CD69: variants seen among roughly 807,000 people sequenced by gnomAD.
The protein encoded by CD69 is CD69 molecule, also known as early activation antigen CD69.
CD69 carries 10 observed loss-of-function variants against 21.4 expected under a neutral mutation model. The observed-to-expected ratio is 0.47, with a 90% CI of 0.29 to 0.79. CD69 has a LOEUF of 0.79. Ranked by LOEUF, CD69 falls within the 30% of genes least tolerant of loss-of-function variation. The pLI, the probability that CD69 is intolerant of heterozygous loss-of-function variation, is 0.09. For missense variants in CD69, 204 were observed against 236.9 expected (o/e 0.86, Z 0.91); for synonymous variants, 63 against 78.2 (o/e 0.81, Z 1.03).
intron 1 of CD69, among the ~76,000 whole-genome samples, chr12:9,759,841 C>T (rs117501745): frequency 3.7e-3 from 558 of 152,086 alleles, no homozygotes; most frequent in South Asian, 6.5e-3. Flanking sequence ...TAGAAAAACT[C>T]AACAAATTTT....
chr12:9,757,037 A>G (rs1326811121), intron 1 of CD69, among the ~76,000 whole-genome samples: 1 of 152,144 alleles, frequency 6.6e-6, no homozygotes, highest in African/African-American at 2.4e-5. Flanking sequence ...CGGAGATTGC[A>G]CCACTGCACT....
intron 1 of CD69, among the ~76,000 whole-genome samples, chr12:9,760,538 G>A (rs3176787): frequency 0.47 from 71,426 of 151,900 alleles, 17,037 homozygotes; most frequent in African/African-American, 0.53. Context: ...ATAAAAAGGG[G>A]TTTACCTCTT....
chr12:9,754,547 T>C (rs1225178716), intron 4 of CD69, 40 bp downstream of exon 4: 1 of 1,125,660 alleles, frequency 8.9e-7, no homozygotes, highest in East Asian at 2.3e-5. Flanking sequence ...TTTCCTGAGA[T>C]GCCACCCTGG....
intron 2 of CD69, 36 bp from the exon 3 acceptor site, chr12:9,755,297 A>G (rs767770151): frequency 1.0e-5 from 16 of 1,557,682 alleles, no homozygotes; most frequent in Middle Eastern, 1.7e-4. Context: ...TAGTAACAAA[A>G]GAAACCAAAT....
chr12:9,755,385 G>GCTAAAAAT, intron 2 of CD69, 124 bp from the exon 3 acceptor site: 1 of 745,968 alleles, frequency 1.3e-6, no homozygotes, highest in Non-Finnish European at 2.3e-6. Context: ...AAGCTAAAAA[G>GCTAAAAAT]TAGAATTCTG....
Position 9,760,614 on chromosome 12 carries a change from TATCAC to T in CD69, c.64+138_64+142del, listed in dbSNP as rs1261530669. 5 of 544,434 alleles carry T rather than the reference TATCAC, an allele frequency of 9.2e-6. No individual in the cohort carries two copies. The East Asian group carries it at 1.6e-4, about 17-fold the overall frequency. The allele number at this position is 544,434 out of a possible 1,614,324, so 33.7% of individuals were successfully genotyped here. On this transcript the variant is annotated intron_variant, in intron 1 of 4. Transcript: ENST00000228434. ...ACTTCCTTCCCTAACAACCATTAGATATCACATACATAGAGATTAGCAGTATATTT... is the reference window on the plus strand; with the variant it reads ...ACTTCCTTCCCTAACAACCATTAGATATACATAGAGATTAGCAGTATATTT...
intron 2 of CD69, among the ~76,000 whole-genome samples, chr12:9,755,789 C>T (rs766501): frequency 0.95 from 145,073 of 152,270 alleles, 69,531 homozygotes; most frequent in East Asian, 1. Context: ...TATCTTGGTA[C>T]AGCTGGAGGT....
chr12:9,756,563 T>C (rs1176981118), intron 1 of CD69, 144 bp from the exon 2 acceptor site: 2 of 643,022 alleles, frequency 3.1e-6, no homozygotes, highest in Non-Finnish European at 4.9e-6. Context: ...AATTTCTAAG[T>C]TAATTTACCC....
Position 9,755,354 on chromosome 12 carries a change from TG to T in CD69, c.188-94del. On this transcript the variant is annotated intron_variant, in intron 2 of 4. Coordinates refer to ENST00000228434, the MANE Select transcript of CD69 (RefSeq NM_001781.2). ...CCTTAGGATGCTATGTTGTGCTAGG[TG>T]GTGATAAAGTAAAGGATAAAAGCTA... 24 of 1,035,098 alleles carry T rather than the reference TG, an allele frequency of 2.3e-5. No homozygotes were observed. In the South Asian group the frequency reaches 3.2e-4, roughly 14 times the overall value. The allele number at this position is 1,035,098 out of a possible 1,614,324, so 64.1% of individuals were successfully genotyped here. A position where few individuals can be genotyped will look rare whatever the true frequency, so the allele number is the denominator to read the frequency against.
chr12:9,759,698 C>G (rs2121104699), intron 1 of CD69, among the ~76,000 whole-genome samples: 1 of 152,244 alleles, frequency 6.6e-6, no homozygotes, highest in African/African-American at 2.4e-5. Context: ...TAATCCCTTT[C>G]CACAAGATTG....
chr12:9,753,210 G>T lies in CD69; in HGVS notation c.*271C>A, dbSNP rs879239712. 1 of 234,590 alleles carries T rather than the reference G, an allele frequency of 4.3e-6. No homozygotes were observed. Among genetic ancestry groups the T allele is most frequent in the Non-Finnish European group, 8.2e-6 (1 of 121,686 alleles). 14.5% of individuals were successfully genotyped at this position (234,590 alleles called of 1,614,324 possible). On this transcript the variant is annotated 3_prime_UTR_variant, in exon 5 of 5. Coordinates refer to ENST00000228434, the MANE Select transcript of CD69 (RefSeq NM_001781.2). ...CAAAATAATATAAAGTGCATCCAAA[G>T]GTTGCATAGTCATTCTTCTCATTCT... is the stretch of plus-strand genomic sequence containing the variant.
rs1866645922 is a variant in CD69, at chr12:9,753,402, G to A, written c.*79C>T. Reference sequence around the variant, plus strand: ...CACAAAGTCTCTATGGAAGACTTCGGACCACAGAGCAGCATCCACTGACAC... The same window carrying A: ...CACAAAGTCTCTATGGAAGACTTCGAACCACAGAGCAGCATCCACTGACAC... On this transcript the variant is annotated 3_prime_UTR_variant, in exon 5 of 5. Transcript: ENST00000228434. 2 of 594,160 alleles carry A rather than the reference G, an allele frequency of 3.4e-6. No individual in the cohort carries two copies. Among genetic ancestry groups the A allele is most frequent in the Non-Finnish European group, 5.9e-6 (2 of 340,550 alleles). The allele number at this position is 594,160 out of a possible 1,614,324, so 36.8% of individuals were successfully genotyped here.
At chr12:9,760,154 TA>T (rs1343418614) in intron 1 of CD69, among the ~76,000 whole-genome samples, 1 of 152,184 alleles carries the variant, frequency 6.6e-6, no homozygotes, top group East Asian at 1.9e-4. Flanking sequence ...ATGGACACTG[TA>T]AATTTTCATC....
rs573626493 is a variant in CD69 at position 9,752,770 on chromosome 12, T to C, written c.*711A>G. 2 of 152,632 alleles carry C rather than the reference T, an allele frequency of 1.3e-5. No homozygotes were observed. Among genetic ancestry groups the C allele is most frequent in the Non-Finnish European group, 2.9e-5 (2 of 68,020 alleles). 9.5% of individuals were successfully genotyped at this position (152,632 alleles called of 1,614,324 possible). On this transcript the variant is annotated 3_prime_UTR_variant, in exon 5 of 5. Coordinates refer to ENST00000228434, the MANE Select transcript of CD69 (RefSeq NM_001781.2). The stretch of plus-strand genomic sequence containing the variant: ...TCTTGCAAATATTCCTCATAGTCTT[T>C]GCTTATGTCTTTTCTCTGTAAGACA...
At chr12:9,758,124 C>T (rs3176793) in intron 1 of CD69, among the ~76,000 whole-genome samples, 24,666 of 150,184 alleles carry the variant, frequency 0.16, 2,161 homozygotes, top group Non-Finnish European at 0.19. Context: ...ATGATGTTAA[C>T]GATAACTGAT....
chr12:9,754,930 G>A, intron 3 of CD69, 132 bp downstream of exon 3: 1 of 784,186 alleles, frequency 1.3e-6, no homozygotes, highest in Non-Finnish European at 2.0e-6. Flanking sequence ...TCTCTGGGAT[G>A]ACATTTTCCT....
At chr12:9,760,280 G>A (rs745490604) in intron 1 of CD69, among the ~76,000 whole-genome samples, 18 of 152,304 alleles carry the variant, frequency 1.2e-4, no homozygotes, top group Admixed American at 9.2e-4. Context: ...GAATGCAAAG[G>A]AAGGCAAACA....
chr12:9,754,955 T>A (rs1277543881), intron 3 of CD69, 107 bp downstream of exon 3: 1 of 962,586 alleles, frequency 1.0e-6, no homozygotes, highest in Non-Finnish European at 1.6e-6. Flanking sequence ...CTGAAATAGG[T>A]ACAATGTTTG....
At chr12:9,758,377 A>G (rs1044508415) in intron 1 of CD69, among the ~76,000 whole-genome samples, 3 of 152,174 alleles carry the variant, frequency 2.0e-5, no homozygotes, top group African/African-American at 4.8e-5. Context: ...AAAACATTCT[A>G]TTTTTCAATA....
Sources: gnomAD v4.1 joint callset for allele counts (sites outside exome capture counted in the v4.1 genomes callset) on GRCh38, gnomAD v4.1.1 for gene constraint, MANE v1.5 for transcripts, NCBI Gene and HGNC (gene_info 2026-07-23, HGNC 2026-07-21) for gene names.